The following CCT2 variants were observed in gnomAD, a reference collection of about 807,000 sequenced individuals.
CCT2 encodes T-complex protein 1 subunit beta.
CCT2 carries 18 observed loss-of-function variants against 61.8 expected under a neutral mutation model. The ratio of observed to expected loss-of-function variants is 0.29; its 90% CI spans 0.20 to 0.43. CCT2 has a LOEUF of 0.43. Among genes scored for constraint, CCT2 ranks in the 20% least tolerant of loss-of-function variants. The probability of loss-of-function intolerance (pLI) is 1.00; values close to 1 mark genes in which losing one functional copy is unlikely to be tolerated. For missense variants in CCT2, 556 were observed against 656.9 expected (o/e 0.85, Z 1.68); for synonymous variants, 248 against 215.9 (o/e 1.15, Z -1.30).
chr12:69,587,274 C>T (rs1028160265), intron 3 of CCT2: 3 of 422,770 alleles, frequency 7.1e-6, no homozygotes, highest in Admixed American at 4.1e-5. Context: ...ATTGTTTTTG[C>T]AGTTACGGTG....
intron 10 of CCT2, 69 bp downstream of exon 10, chr12:69,593,682 A>T: frequency 1.1e-6 from 1 of 904,914 alleles, no homozygotes; most frequent in Non-Finnish European, 1.8e-6. Flanking sequence ...TTGTTACTAT[A>T]TGCAACTACC....
chr12:69,597,931 A>G (rs760659818), intron 12 of CCT2, 37 bp from the exon 13 acceptor site: 1 of 1,535,798 alleles, frequency 6.5e-7, no homozygotes, highest in South Asian at 1.1e-5. Context: ...GGAGACAACT[A>G]AGCATTGCAA....
chr12:69,587,898 A>G (rs769929184), intron 4 of CCT2, 32 bp from the exon 5 acceptor site: 28 of 1,530,596 alleles, frequency 1.8e-5, no homozygotes, highest in Non-Finnish European at 2.4e-5. Flanking sequence ...CAAAGAAGCA[A>G]TTTTGAGTTA....
intron 2 of CCT2, 71 bp downstream of exon 2, chr12:69,586,415 C>G: frequency 8.9e-7 from 1 of 1,117,494 alleles, no homozygotes; most frequent in Non-Finnish European, 1.4e-6. Flanking sequence ...CTCCTGTAAT[C>G]CCAGTACTTT....
Position 69,601,330 on chromosome 12 carries a change from T to C in CCT2, c.*5T>C. On this transcript the variant is annotated 3_prime_UTR_variant, in exon 16 of 16. Transcript: ENST00000299300. ...CCTGATCACCACCCCTGTTAAGCAT[T>C]CCCACGTGCTGTCGATCTTTGGACC... 6.2e-7 allele frequency: 1 copy of C among 1,613,216 alleles called. No homozygotes were observed. The highest frequency in any genetic ancestry group is 2.2e-5 in the East Asian group (1 of 44,866).
intron 3 of CCT2, 44 bp from the exon 4 acceptor site, chr12:69,587,461 A>G: frequency 4.6e-6 from 5 of 1,087,592 alleles, no homozygotes; most frequent in African/African-American, 1.5e-5. Context: ...GCATTCTTCA[A>G]GATGTGCTTA....
chr12:69,586,700 G>T, intron 2 of CCT2, 53 bp from the exon 3 acceptor site: 3 of 1,212,840 alleles, frequency 2.5e-6, no homozygotes, highest in Non-Finnish European at 3.5e-6. Context: ...AGATAAAACT[G>T]TACTTGAAGA....
intron 10 of CCT2, among the ~76,000 whole-genome samples, chr12:69,595,039 G>T (rs1881946826): frequency 2.1e-5 from 3 of 145,268 alleles, no homozygotes; most frequent in Admixed American, 7.0e-5. Context: ...GAATGAATAG[G>T]TTGGAAAGTT....
Position 69,585,497 on chromosome 12 carries a change from C to T in CCT2, c.-25C>T. 3 of 1,563,628 alleles carry T rather than the reference C, an allele frequency of 1.9e-6. No individual in the cohort carries two copies. The highest frequency in any genetic ancestry group is 2.7e-5 in the African/African-American group (2 of 73,934). On this transcript the variant is annotated 5_prime_UTR_variant, in exon 1 of 16. Transcript: ENST00000299300. ...CGAGCACGAGCTGTGAGGGGATTCACTTGTGTGCGGAACTCCTCGGAACCA... is the reference window on the plus strand; with the variant it reads ...CGAGCACGAGCTGTGAGGGGATTCATTTGTGTGCGGAACTCCTCGGAACCA...
chr12:69,593,220 A>C (rs141561396), intron 9 of CCT2, 117 bp downstream of exon 9: 17,795 of 905,836 alleles, frequency 0.02, 241 homozygotes, highest in Non-Finnish European at 0.024. Context: ...ACTTCACTTA[A>C]ATTATGGATT....
chr12:69,595,227 A>C (rs1881952292), intron 10 of CCT2, among the ~76,000 whole-genome samples: 1 of 152,204 alleles, frequency 6.6e-6, no homozygotes, highest in Non-Finnish European at 1.5e-5. Context: ...TCATTTGAGA[A>C]GCATAGTCGT....
At chr12:69,586,094 G>A (rs965231623) in intron 1 of CCT2, 176 bp from the exon 2 acceptor site, 8 of 1,223,870 alleles carry the variant, frequency 6.5e-6, no homozygotes, top group Non-Finnish European at 2.2e-6. Flanking sequence ...TCTCCTACAA[G>A]TCCCTCTCTC....
intron 6 of CCT2, among the ~76,000 whole-genome samples, chr12:69,588,658 G>T (rs1881740171): frequency 6.6e-6 from 1 of 152,162 alleles, no homozygotes; most frequent in African/African-American, 2.4e-5. Flanking sequence ...TGTATTTGAT[G>T]ATTTTTAGCA....
chr12:69,599,339 A>T (rs1882084420), intron 14 of CCT2, among the ~76,000 whole-genome samples: 1 of 152,064 alleles, frequency 6.6e-6, no homozygotes, highest in African/African-American at 2.4e-5. Context: ...TCAGCCTCCC[A>T]AAGTGCTAGG....
intron 15 of CCT2, among the ~76,000 whole-genome samples, chr12:69,601,092 C>G (rs1882134480): frequency 6.6e-6 from 1 of 152,160 alleles, no homozygotes; most frequent in Admixed American, 6.5e-5. Flanking sequence ...ATAACTTGGT[C>G]ACCTCTTAAA....
chr12:69,589,909 G>T (rs1180873230), intron 7 of CCT2, among the ~76,000 whole-genome samples: 3 of 152,164 alleles, frequency 2.0e-5, no homozygotes, highest in African/African-American at 7.2e-5. Context: ...TAACTACCAT[G>T]AAGTTATTTG....
chr12:69,585,646 T>C, intron 1 of CCT2, 122 bp downstream of exon 1: 1 of 1,541,182 alleles, frequency 6.5e-7, no homozygotes, highest in Admixed American at 2.0e-5. Context: ...CCTCCGCACA[T>C]GGTGCGAGCC....
At chr12:69,597,850 A>G (rs1330818917) in intron 12 of CCT2, 84 bp downstream of exon 12, 23 of 1,419,598 alleles carry the variant, frequency 1.6e-5, no homozygotes, top group Non-Finnish European at 2.1e-5. Context: ...GTTCTTACAG[A>G]AATCTTATAT....
intron 7 of CCT2, among the ~76,000 whole-genome samples, chr12:69,591,811 C>T (rs1040927361): frequency 6.6e-6 from 1 of 152,188 alleles, no homozygotes. Flanking sequence ...CCTCCTCCCT[C>T]TTTTCTGCTT....
Sources: gnomAD v4.1 joint callset for allele counts (sites outside exome capture counted in the v4.1 genomes callset) on GRCh38, gnomAD v4.1.1 for gene constraint, MANE v1.5 for transcripts, NCBI Gene and HGNC (gene_info 2026-07-23, HGNC 2026-07-21) for gene names.